NTM: variants seen among roughly 807,000 people sequenced by gnomAD.
NTM encodes the protein IgLON family member 2.
NTM carries 13 observed loss-of-function variants against 42.1 expected under a neutral mutation model. The observed-to-expected ratio is 0.31, with a 90% CI of 0.20 to 0.49. NTM has a LOEUF of 0.49. Among genes scored for constraint, NTM ranks in the 20% least tolerant of loss-of-function variants. The pLI is 0.99. For synonymous variants in NTM, 187 were observed against 179.2 expected, an observed-to-expected ratio of 1.04 and a Z score of -0.35; for missense variants, 373 against 452.8, an observed-to-expected ratio of 0.82 and a Z score of 1.60.
intron 1 of NTM, among the ~76,000 whole-genome samples, chr11:131,516,445 C>T (rs1303463117): frequency 6.6e-6 from 1 of 152,186 alleles, no homozygotes; most frequent in Admixed American, 6.5e-5. Flanking sequence ...GTGGCGCGAT[C>T]TCGGCTCACG....
chr11:131,518,475 T>C (rs1045057544), intron 1 of NTM, among the ~76,000 whole-genome samples: 1 of 152,202 alleles, frequency 6.6e-6, no homozygotes, highest in Non-Finnish European at 1.5e-5. Context: ...GTTACTATGC[T>C]ACAAGGCCAT....
At chr11:131,600,396 G>A (rs1225784610) in intron 1 of NTM, among the ~76,000 whole-genome samples, 1 of 152,148 alleles carries the variant, frequency 6.6e-6, no homozygotes, top group Non-Finnish European at 1.5e-5. Flanking sequence ...ATATATTATT[G>A]TCCTGTCTAT....
intron 2 of NTM, among the ~76,000 whole-genome samples, chr11:132,027,397 A>G (rs2075327912): frequency 6.6e-6 from 1 of 152,256 alleles, no homozygotes; most frequent in Admixed American, 6.5e-5. Context: ...TCTCTGAAGA[A>G]CATATTTTAA....
chr11:131,505,567 A>G (rs2047383807), intron 1 of NTM, among the ~76,000 whole-genome samples: 1 of 152,180 alleles, frequency 6.6e-6, no homozygotes, highest in African/African-American at 2.4e-5. Context: ...AACTGGGTGC[A>G]TAATTTGTCC....
In NTM at chr11:131,486,728, TC is replaced by T. The variant is rs553039845; in HGVS notation, c.82+115842del. On this transcript the variant is annotated intron_variant, in intron 1 of 8. Transcript: ENST00000683400. Reference sequence around the variant, plus strand: ...TCACCCTGGCAGCCTGTCACCTTCTTCCTTTCCTTCTTTTCCTTTCTAACCA... The same window carrying T: ...TCACCCTGGCAGCCTGTCACCTTCTTCTTTCCTTCTTTTCCTTTCTAACCA... 2.9e-4 allele frequency among the ~76,000 whole-genome samples: 44 copies of T among 152,288 alleles called. 1 individual carries two copies. The South Asian group carries it at 7.5e-3, about 26-fold the overall frequency.
chr11:131,632,324 G>A (rs529776415), intron 1 of NTM, among the ~76,000 whole-genome samples: 44 of 152,140 alleles, frequency 2.9e-4, no homozygotes, highest in African/African-American at 4.8e-4. Context: ...CCTTGTGCCC[G>A]TCTTTTATTA....
At chr11:132,049,234 A>G (rs2078490269) in intron 2 of NTM, among the ~76,000 whole-genome samples, 1 of 152,202 alleles carries the variant, frequency 6.6e-6, no homozygotes, top group African/African-American at 2.4e-5. Context: ...AGCAACAACA[A>G]GAACACTTCC....
intron 3 of NTM, among the ~76,000 whole-genome samples, chr11:132,179,695 C>G (rs2077284665): frequency 6.6e-6 from 1 of 152,102 alleles, no homozygotes; most frequent in South Asian, 2.1e-4. Context: ...TTCAGGGGAA[C>G]AGTGTGGATG....
At chr11:131,862,978 G>C (rs541516880) in intron 1 of NTM, among the ~76,000 whole-genome samples, 2 of 152,316 alleles carry the variant, frequency 1.3e-5, no homozygotes, top group African/African-American at 4.8e-5. Context: ...TCTAAAACGA[G>C]GAAGCTGAGG....
At chr11:131,996,061 T>A (rs767102573) in intron 2 of NTM, among the ~76,000 whole-genome samples, 1 of 152,132 alleles carries the variant, frequency 6.6e-6, no homozygotes, top group Non-Finnish European at 1.5e-5. Flanking sequence ...TCCATGTTAA[T>A]TAAAAAATAC....
intron 1 of NTM, chr11:131,537,606 GA>G (rs1226519732): frequency 4.6e-5 from 7 of 152,252 alleles, no homozygotes; most frequent in African/African-American, 1.2e-4. Context: ...TTAAAAGGCA[GA>G]CAAGATGGTG....
chr11:131,522,271 G>A (rs927660485), intron 1 of NTM, among the ~76,000 whole-genome samples: 6 of 151,778 alleles, frequency 4.0e-5, no homozygotes, highest in Non-Finnish European at 2.9e-5. Context: ...AGATTTTGGA[G>A]AGCTAAGTCA....
intron 2 of NTM, among the ~76,000 whole-genome samples, chr11:131,994,360 G>A (rs1315235282): frequency 1.3e-5 from 2 of 152,160 alleles, no homozygotes; most frequent in Non-Finnish European, 2.9e-5. Context: ...GGAAAGACAA[G>A]TAAAAAGATG....
chr11:131,588,947 CA>C (rs1271172013), intron 1 of NTM, among the ~76,000 whole-genome samples: 1 of 152,132 alleles, frequency 6.6e-6, no homozygotes, highest in Admixed American at 6.5e-5. Context: ...AGGTGTGGCT[CA>C]TGCAATGTGA....
intron 1 of NTM, among the ~76,000 whole-genome samples, chr11:131,382,995 A>AC (rs1942875124): frequency 6.6e-6 from 1 of 152,276 alleles, no homozygotes; most frequent in African/African-American, 2.4e-5. Flanking sequence ...ATTCCATAAG[A>AC]CCTTGCCTAT....
At chr11:132,267,224 G>T (rs142958294) in intron 4 of NTM, among the ~76,000 whole-genome samples, 1 of 152,126 alleles carries the variant, frequency 6.6e-6, no homozygotes. Flanking sequence ...TGCAGTCCAG[G>T]AGCATAAAAT....
At chr11:131,463,924 A>G (rs1457252705) in intron 1 of NTM, among the ~76,000 whole-genome samples, 2 of 152,212 alleles carry the variant, frequency 1.3e-5, no homozygotes, top group African/African-American at 4.8e-5. Context: ...GTTTATCACC[A>G]GGTTTCTGAT....
intron 1 of NTM, among the ~76,000 whole-genome samples, chr11:131,752,572 A>T (rs1565502352): frequency 6.6e-6 from 1 of 152,206 alleles, no homozygotes; most frequent in South Asian, 2.1e-4. Flanking sequence ...TCACGTTGCT[A>T]TAAAGACACA....
intron 4 of NTM, among the ~76,000 whole-genome samples, chr11:132,299,557 T>C (rs1260577669): frequency 6.6e-6 from 1 of 152,122 alleles, no homozygotes; most frequent in Non-Finnish European, 1.5e-5. Flanking sequence ...AGAGGCAATG[T>C]CGTGGGGTTG....
Sources: gnomAD v4.1 joint callset for allele counts (sites outside exome capture counted in the v4.1 genomes callset) on GRCh38, gnomAD v4.1.1 for gene constraint, MANE v1.5 for transcripts, NCBI Gene and HGNC (gene_info 2026-07-23, HGNC 2026-07-21) for gene names.